Variants in FOXP2 observed in about 807,000 individuals in gnomAD.
FOXP2 encodes the protein forkhead box protein P2.
In FOXP2, 12 loss-of-function variants were observed where a neutral mutation model predicts 115.8. The ratio of observed to expected loss-of-function variants is 0.10; its 90% confidence interval spans 0.07 to 0.17. The LOEUF is 0.17. Among genes scored for constraint, FOXP2 ranks in the 10% least tolerant of loss-of-function variants. FOXP2 has a pLI of 1.00. For synonymous variants in FOXP2, 328 were observed against 297.7 expected (o/e 1.10, Z -1.05); for missense variants, 629 against 843.5 (o/e 0.75, Z 3.15).
intron 2 of FOXP2, among the ~76,000 whole-genome samples, chr7:114,305,199 G>A (rs906399211): frequency 1.3e-5 from 2 of 152,064 alleles, no homozygotes. Context: ...TGCCTCCCTG[G>A]AGTGCACTGC....
chr7:114,480,739 G>A (rs942819224), intron 2 of FOXP2, among the ~76,000 whole-genome samples: 1 of 149,880 alleles, frequency 6.7e-6, no homozygotes, highest in Non-Finnish European at 1.5e-5. Flanking sequence ...ACGTATATAT[G>A]TGTATGTATG....
At chr7:114,505,710 G>T (rs1797781029) in intron 2 of FOXP2, among the ~76,000 whole-genome samples, 2 of 151,514 alleles carry the variant, frequency 1.3e-5, no homozygotes, top group Non-Finnish European at 1.5e-5. Context: ...ATAGATGGCA[G>T]GTAGATATTC....
At chr7:114,680,222 C>G (rs1808012517) in intron 16 of FOXP2, among the ~76,000 whole-genome samples, 1 of 152,072 alleles carries the variant, frequency 6.6e-6, no homozygotes, top group South Asian at 2.1e-4. Context: ...AAGCAAGAAA[C>G]ATAAATTGGT....
At chr7:114,268,441 C>A (rs1468644647) in intron 1 of FOXP2, among the ~76,000 whole-genome samples, 1 of 152,116 alleles carries the variant, frequency 6.6e-6, no homozygotes, top group Non-Finnish European at 1.5e-5. Flanking sequence ...AGATTAAGTA[C>A]AAAAATGCTC....
intron 3 of FOXP2, among the ~76,000 whole-genome samples, chr7:114,576,778 GT>G (rs1801598691): frequency 6.6e-6 from 1 of 151,858 alleles, no homozygotes; most frequent in African/African-American, 2.4e-5. Flanking sequence ...TTGCTCTATA[GT>G]TTTTGCGTAT....
rs1486150739 is a variant in FOXP2, at chr7:114,644,733, A to C, written c.1038A>C (p.Gly346=). The C allele has an allele frequency of 6.2e-7, 1 of 1,613,384 alleles. No homozygotes were observed. The change falls in exon 8 of 17, where the codon GGA becomes GGC. Residue 346 remains glycine, a synonymous_variant. Coordinates refer to ENST00000350908, the MANE Select transcript of FOXP2 (RefSeq NM_014491.4). ...CCTCTCACACTCTCTATGGCCATGG[A>C]GTTTGCAAATGGCCAGGCTGTGAAA... ...TGASHTLYGH[G]VCKWPGCESI...
chr7:114,419,713 G>GACACACACAC (rs35955915), intron 1 of FOXP2: 1 of 141,612 alleles, frequency 7.1e-6, no homozygotes, highest in African/African-American at 2.6e-5. Context: ...CATACACATA[G>GACACACACAC]ACACACACAC....
intron 3 of FOXP2, among the ~76,000 whole-genome samples, chr7:114,606,630 C>G (rs866604144): frequency 2.0e-5 from 3 of 152,106 alleles, no homozygotes; most frequent in Non-Finnish European, 4.4e-5. Flanking sequence ...GAAACAGCAA[C>G]CTGATTGGGG....
chr7:114,464,222 T>C (rs1180799480), intron 2 of FOXP2, among the ~76,000 whole-genome samples: 3 of 152,010 alleles, frequency 2.0e-5, no homozygotes, highest in Admixed American at 6.6e-5. Context: ...AAGACCTCCA[T>C]TTAAACAGAA....
At chr7:114,142,221 A>G (rs906897581) in intron 1 of FOXP2, among the ~76,000 whole-genome samples, 1 of 152,066 alleles carries the variant, frequency 6.6e-6, no homozygotes, top group Non-Finnish European at 1.5e-5. Context: ...CAGGGGTTTC[A>G]TCACATTGGC....
At chr7:114,508,695 T>A (rs1797936455) in intron 2 of FOXP2, among the ~76,000 whole-genome samples, 1 of 152,068 alleles carries the variant, frequency 6.6e-6, no homozygotes, top group African/African-American at 2.4e-5. Context: ...TAATCAAGTT[T>A]GAATTTTATA....
intron 2 of FOXP2, among the ~76,000 whole-genome samples, chr7:114,335,090 G>A (rs1797818802): frequency 6.6e-6 from 1 of 151,006 alleles, no homozygotes; most frequent in Non-Finnish European, 1.5e-5. Context: ...GCCATTCTCT[G>A]CTTTCCTGTG....
intron 9 of FOXP2, chr7:114,653,536 G>A (rs1440170466): frequency 3.2e-6 from 1 of 315,168 alleles, no homozygotes; most frequent in Non-Finnish European, 6.2e-6. Context: ...CAGGCACTTT[G>A]CTTTGAGAAC....
Position 114,420,371 on chromosome 7 carries a change from A to G in FOXP2, c.-11+5011A>G, listed in dbSNP as rs368203755. On this transcript the variant is annotated intron_variant, in intron 1 of 16. Coordinates refer to ENST00000350908, the MANE Select transcript of FOXP2 (RefSeq NM_014491.4). ...TTTTGCCTGCTAGGCAGGTCTTTCT[A>G]TGTTCTTGGAGAGCTAATTATTTCT... 7.6e-4 allele frequency among the ~76,000 whole-genome samples: 116 copies of G among 152,024 alleles called. 1 individual carries two copies. The highest frequency in any genetic ancestry group is 2.5e-3 in the African/African-American group (102 of 41,518).
chr7:114,615,568 C>T (rs1243412819), intron 3 of FOXP2, among the ~76,000 whole-genome samples: 1 of 152,186 alleles, frequency 6.6e-6, no homozygotes, highest in Non-Finnish European at 1.5e-5. Flanking sequence ...ACTTCTCTAG[C>T]TGGGCTGTCT....
intron 2 of FOXP2, among the ~76,000 whole-genome samples, chr7:114,427,547 A>G (rs1428964211): frequency 6.6e-6 from 1 of 151,654 alleles, no homozygotes; most frequent in African/African-American, 2.4e-5. Context: ...AAAAGTTTAT[A>G]TTTGTTTTAA....
At chr7:114,162,708 T>A (rs1371352690), upstream of FOXP2, among the ~76,000 whole-genome samples, 1 of 152,106 alleles carries the variant, frequency 6.6e-6, no homozygotes, top group East Asian at 1.9e-4. Context: ...ATTAATTTTC[T>A]CTTGCTATGC....
At chr7:114,182,258 T>G (rs1018212134) in intron 1 of FOXP2, among the ~76,000 whole-genome samples, 1 of 152,042 alleles carries the variant, frequency 6.6e-6, no homozygotes, top group East Asian at 1.9e-4. Flanking sequence ...ATTTTTTTAA[T>G]GGAAACCATT....
At chr7:114,589,832 CT>C (rs1466535471) in intron 3 of FOXP2, among the ~76,000 whole-genome samples, 1 of 152,134 alleles carries the variant, frequency 6.6e-6, no homozygotes, top group East Asian at 1.9e-4. Flanking sequence ...TTTCCATACT[CT>C]TTTGTTTGTC....
Sources: gnomAD v4.1 joint callset for allele counts (sites outside exome capture counted in the v4.1 genomes callset) on GRCh38, gnomAD v4.1.1 for gene constraint, MANE v1.5 for transcripts, NCBI Gene and HGNC (gene_info 2026-07-23, HGNC 2026-07-21) for gene names.